The following PCDHA3 variants were observed in gnomAD, a reference collection of about 807,000 sequenced individuals.
The protein encoded by PCDHA3 is protocadherin alpha-3.
A neutral mutation model predicts 62.2 loss-of-function variants in PCDHA3; 41 were observed. The observed-to-expected ratio is 0.66, with a 90% CI of 0.51 to 0.86. PCDHA3 has a LOEUF of 0.86. PCDHA3 is among the 40% of genes least tolerant of loss of function. The pLI is 0.00. For synonymous variants in PCDHA3, 640 were observed against 555.4 expected, an observed-to-expected ratio of 1.15 and a Z score of -2.14; for missense variants, 1,304 against 1,241.2, an observed-to-expected ratio of 1.05 and a Z score of -0.76.
chr5:140,833,453 A>T (rs1238975338), intron 1 of PCDHA3, among the ~76,000 whole-genome samples: 3 of 152,230 alleles, frequency 2.0e-5, no homozygotes, highest in Non-Finnish European at 4.4e-5. Context: ...ATCTAATAAA[A>T]TAAACTTACA....
chr5:140,969,542 C>A, intron 1 of PCDHA3: 1 of 1,279,482 alleles, frequency 7.8e-7, no homozygotes, highest in Non-Finnish European at 1.1e-6. Context: ...TTTTCAGAGG[C>A]ATGAAGCCTT....
chr5:140,842,848 G>A lies in PCDHA3; in HGVS notation c.2394+39257G>A, dbSNP rs2150346229. The stretch of plus-strand genomic sequence containing the variant: ...AGCGCTCGCTGTCGAGCTACATTTC[G>A]GTGCACACGGAGAGCGGCAAGGTGT... On this transcript the variant is annotated intron_variant, in intron 1 of 3. Coordinates refer to ENST00000522353, the MANE Select transcript of PCDHA3 (RefSeq NM_018906.3). 2.4e-5 allele frequency: 38 copies of A among 1,593,806 alleles called. 5 individuals are homozygous for A. The highest frequency in any genetic ancestry group is 1.7e-4 in the South Asian group (15 of 90,426).
chr5:140,992,393 A>C (rs2097508684), intron 3 of PCDHA3, among the ~76,000 whole-genome samples: 1 of 152,180 alleles, frequency 6.6e-6, no homozygotes, highest in South Asian at 2.1e-4. Context: ...TTCTGGACTT[A>C]GAGATATTGT....
intron 1 of PCDHA3, chr5:140,850,407 G>A (rs2150482736): frequency 6.3e-7 from 1 of 1,597,938 alleles, no homozygotes; most frequent in Admixed American, 1.7e-5. Flanking sequence ...GCGTGCCCTG[G>A]ACGAAACGGA....
intron 3 of PCDHA3, among the ~76,000 whole-genome samples, chr5:141,000,409 ATATATATATATATTT>A (rs2097918498): frequency 1.1e-5 from 1 of 94,040 alleles, no homozygotes; most frequent in East Asian, 3.1e-4. Flanking sequence ...ATATATATAT[ATATATATATATATTT>A]TTTTTTTTTT....
intron 1 of PCDHA3, among the ~76,000 whole-genome samples, chr5:140,879,380 T>C (rs1213546230): frequency 6.6e-6 from 1 of 152,106 alleles, no homozygotes; most frequent in Admixed American, 6.5e-5. Flanking sequence ...CAGAACAAGG[T>C]TGGAGAAACA....
rs1266010631 is a variant in PCDHA3, at chr5:140,857,226, C to T, written c.2394+53635C>T. 4.4e-6 allele frequency: 7 copies of T among 1,598,494 alleles called. 1 individual carries two copies. Among genetic ancestry groups the T allele is most frequent in the Non-Finnish European group, 5.1e-6 (6 of 1,167,908 alleles). On this transcript the variant is annotated intron_variant, in intron 1 of 3. Coordinates refer to ENST00000522353, the MANE Select transcript of PCDHA3 (RefSeq NM_018906.3). ...ACCTGCTCTCTGACGCCTCACGTTC[C>T]GTTCAAGCTGGTGTCCACCTACAAG...
chr5:140,913,898 CTTTT>C (rs1351691139), intron 1 of PCDHA3, among the ~76,000 whole-genome samples: 2 of 152,020 alleles, frequency 1.3e-5, no homozygotes, highest in African/African-American at 4.8e-5. Flanking sequence ...CAAAATTCCC[CTTTT>C]TTATTTCTAA....
intron 1 of PCDHA3, chr5:140,856,261 G>C (rs782582964): frequency 6.3e-7 from 1 of 1,598,154 alleles, no homozygotes. Context: ...AAAGACACGG[G>C]GACCTTCTGG....
At chr5:140,911,560 A>T (rs1554194794) in intron 1 of PCDHA3, among the ~76,000 whole-genome samples, 2 of 152,170 alleles carry the variant, frequency 1.3e-5, no homozygotes, top group Non-Finnish European at 2.9e-5. Flanking sequence ...ATTTTCTTTC[A>T]TCACTTTGTC....
chr5:140,823,629 C>T, intron 1 of PCDHA3: 1 of 1,614,064 alleles, frequency 6.2e-7, no homozygotes, highest in Non-Finnish European at 8.5e-7. Flanking sequence ...GCAGTGCGCG[C>T]ATCCCGTTCC....
chr5:140,848,874 A>G (rs2040648635), intron 1 of PCDHA3: 2 of 1,590,884 alleles, frequency 1.3e-6, no homozygotes, highest in East Asian at 2.2e-5. Flanking sequence ...GAAGGACATT[A>G]ACGACAACCC....
At chr5:140,879,235 A>T (rs904336289) in intron 1 of PCDHA3, among the ~76,000 whole-genome samples, 1 of 152,240 alleles carries the variant, frequency 6.6e-6, no homozygotes, top group Non-Finnish European at 1.5e-5. Context: ...CATATACAAG[A>T]GGCACTGGCA....
intron 1 of PCDHA3, chr5:140,854,159 C>A (rs1172794260): frequency 2.5e-3 from 847 of 341,142 alleles, no homozygotes; most frequent in Admixed American, 7.6e-3. Context: ...GATTCTGTCT[C>A]AAAAAAAAAA....
chr5:140,884,692 G>A, intron 1 of PCDHA3: 7 of 1,528,834 alleles, frequency 4.6e-6, no homozygotes, highest in Non-Finnish European at 6.1e-6. Context: ...AATTGTCTTA[G>A]TAAACACTTT....
chr5:141,004,531 C>A (rs1051693064), intron 3 of PCDHA3, among the ~76,000 whole-genome samples: 2 of 152,234 alleles, frequency 1.3e-5, no homozygotes, highest in Admixed American at 1.3e-4. Flanking sequence ...ATACACACAG[C>A]CATTAATGTC....
intron 1 of PCDHA3, chr5:140,855,859 C>T: frequency 1.4e-6 from 1 of 728,300 alleles, no homozygotes; most frequent in Non-Finnish European, 2.2e-6. Flanking sequence ...CCGGATGTCG[C>T]TGTCGTCCAC....
intron 1 of PCDHA3, chr5:140,869,394 G>A (rs782128248): frequency 6.2e-7 from 1 of 1,614,078 alleles, no homozygotes; most frequent in Non-Finnish European, 8.5e-7. Flanking sequence ...AGCTGTGCGG[G>A]CAGAGCGCGG....
Position 140,838,073 on chromosome 5 carries a change from ATATAGTGTGTGT to A in PCDHA3, c.2394+34483_2394+34494del, listed in dbSNP as rs1161120523. Among the ~76,000 whole-genome samples the A allele has an allele frequency of 1.4e-3, 180 of 126,834 alleles. 3 individuals are homozygous for A. Among genetic ancestry groups the A allele is most frequent in the South Asian group, 4.9e-3 (18 of 3,638 alleles). The allele number at this position is 126,834 out of a possible 152,430, so 83.2% of individuals were successfully genotyped here. ...TGGTTTTCCACTTTAAGTTATATATATATAGTGTGTGTGTGTGTGTGTGTGTGTGTGTGTGTG... is the reference window on the plus strand; with the variant it reads ...TGGTTTTCCACTTTAAGTTATATATAGTGTGTGTGTGTGTGTGTGTGTGTG... On this transcript the variant is annotated intron_variant, in intron 1 of 3. Coordinates refer to ENST00000522353, the MANE Select transcript of PCDHA3 (RefSeq NM_018906.3).
Sources: allele counts gnomAD v4.1 joint callset (sites outside exome capture counted in the v4.1 genomes callset), GRCh38; gene constraint gnomAD v4.1.1; transcripts MANE v1.5; gene names NCBI Gene and HGNC (gene_info 2026-07-23, HGNC 2026-07-21).